The following TCERG1L variants were observed in gnomAD, a reference collection of about 807,000 sequenced individuals.
TCERG1L encodes transcription elongation regulator 1 like.
TCERG1L carries 37 observed loss-of-function variants against 56.3 expected under a neutral mutation model. The observed-to-expected ratio is 0.66, with a 90% CI of 0.51 to 0.87. The LOEUF (loss-of-function observed/expected upper bound fraction) is 0.87, where lower values mean the gene tolerates loss of function less well. TCERG1L is among the 40% of genes least tolerant of loss of function. TCERG1L has a pLI of 0.00. For synonymous variants in TCERG1L, 324 were observed against 326.3 expected (o/e 0.99, Z 0.08); for missense variants, 799 against 774.2 (o/e 1.03, Z -0.38).
At chr10:131,127,579 A>G (rs1316123461) in intron 8 of TCERG1L, among the ~76,000 whole-genome samples, 1 of 152,230 alleles carries the variant, frequency 6.6e-6, no homozygotes, top group Non-Finnish European at 1.5e-5. Flanking sequence ...AGCTCAGTAT[A>G]GCAGCTGCCT....
chr10:131,311,398 A>C lies in TCERG1L; in HGVS notation c.238T>G (p.Trp80Gly). The C allele has an allele frequency of 1.7e-6, 2 of 1,185,024 alleles. No homozygotes were observed. Among genetic ancestry groups the C allele is most frequent in the Non-Finnish European group, 2.1e-6 (2 of 959,670 alleles). The allele number at this position is 1,185,024 out of a possible 1,614,324, so 73.4% of individuals were successfully genotyped here. ...AAPLLPGLPG[W>G]PAPSEPVLPL... ...AGCACCGGCTCGCTCGGGGCCGGCC[A>C]GCCGGGGAGACCGGGGAGCAGCGGG... is the stretch of plus-strand genomic sequence containing the variant. The change falls in exon 1 of 12, where the codon TGG becomes GGG. Residue 80 changes from tryptophan to glycine, a missense_variant. Transcript: ENST00000368642. The surrounding 1 kb of genome is among the most constrained non-coding windows in gnomAD (Gnocchi z 4.0).
chr10:131,182,065 G>A (rs1298760868), intron 4 of TCERG1L, among the ~76,000 whole-genome samples: 1 of 152,130 alleles, frequency 6.6e-6, no homozygotes, highest in Non-Finnish European at 1.5e-5. Context: ...CACAGCATCT[G>A]TGTGTGTGCA....
At chr10:131,153,994 C>A (rs1845893568) in intron 6 of TCERG1L, among the ~76,000 whole-genome samples, 1 of 152,132 alleles carries the variant, frequency 6.6e-6, no homozygotes, top group African/African-American at 2.4e-5. Flanking sequence ...CCCATCCACT[C>A]GTTACGGTTG....
chr10:131,139,068 A>C (rs887710277), intron 7 of TCERG1L, among the ~76,000 whole-genome samples: 3 of 152,248 alleles, frequency 2.0e-5, no homozygotes, highest in Non-Finnish European at 4.4e-5. Context: ...AAGCAATGCC[A>C]ACTGAAGCAA....
intron 4 of TCERG1L, among the ~76,000 whole-genome samples, chr10:131,218,799 T>C (rs1399985638): frequency 6.6e-6 from 1 of 152,172 alleles, no homozygotes; most frequent in Admixed American, 6.5e-5. Flanking sequence ...AGGGGGATCC[T>C]TGCAGCTTGG....
intron 3 of TCERG1L, among the ~76,000 whole-genome samples, chr10:131,270,466 A>G (rs1589767806): frequency 6.6e-6 from 1 of 152,260 alleles, no homozygotes; most frequent in East Asian, 1.9e-4. Context: ...CAGCTCAGAG[A>G]TAAGCCAGAA....
At chr10:131,254,841 G>A (rs865865663) in intron 4 of TCERG1L, among the ~76,000 whole-genome samples, 2 of 152,352 alleles carry the variant, frequency 1.3e-5, no homozygotes, top group Middle Eastern at 6.8e-3. Flanking sequence ...AAGACCACAG[G>A]AGAAACAAGT....
intron 9 of TCERG1L, among the ~76,000 whole-genome samples, chr10:131,110,913 C>T (rs761236147): frequency 5.4e-5 from 7 of 130,054 alleles, no homozygotes; most frequent in African/African-American, 2.6e-5. Context: ...GGACAGGACA[C>T]GACTGGATTG....
chr10:131,178,310 C>G (rs745829870), intron 4 of TCERG1L, among the ~76,000 whole-genome samples: 2 of 152,146 alleles, frequency 1.3e-5, no homozygotes, highest in Non-Finnish European at 2.9e-5. Flanking sequence ...TAGCGCGGGG[C>G]CCTGGACGTA....
intron 9 of TCERG1L, among the ~76,000 whole-genome samples, chr10:131,105,808 T>G (rs1305687585): frequency 6.6e-6 from 1 of 152,084 alleles, no homozygotes; most frequent in Non-Finnish European, 1.5e-5. Context: ...AGCCCATGCT[T>G]GGGCTGGACT....
intron 4 of TCERG1L, among the ~76,000 whole-genome samples, chr10:131,206,642 C>G (rs191000896): frequency 6.6e-6 from 1 of 152,110 alleles, no homozygotes; most frequent in Non-Finnish European, 1.5e-5. Context: ...CCCAAAGGGA[C>G]GACTGTGATG....
intron 11 of TCERG1L, among the ~76,000 whole-genome samples, chr10:131,098,097 G>A (rs879738997): frequency 3.9e-5 from 6 of 152,236 alleles, no homozygotes; most frequent in Non-Finnish European, 8.8e-5. Context: ...ACTTTCCCAG[G>A]ACTGATGAGA....
rs887392000 is a variant in TCERG1L at position 131,104,212 on chromosome 10, C to T, written c.1485+53G>A. 23 of 1,268,304 alleles carry T rather than the reference C, an allele frequency of 1.8e-5. No homozygotes were observed. In the Admixed American group the frequency reaches 4.4e-4, roughly 24 times the overall value. 78.6% of individuals were successfully genotyped at this position (1,268,304 alleles called of 1,614,324 possible). On this transcript the variant is annotated intron_variant, in intron 10 of 11. Coordinates refer to ENST00000368642, the MANE Select transcript of TCERG1L (RefSeq NM_174937.4). The stretch of plus-strand genomic sequence containing the variant: ...AAAGCTCCCCAGATCCAGGATGCAA[C>T]AGTCGCTTTCATGCCATGTCTCTGC...
rs1309084703 is a variant in TCERG1L, at chr10:131,289,532, T to A, written c.670+18679A>T. 3.3e-5 allele frequency among the ~76,000 whole-genome samples: 2 copies of A among 59,980 alleles called. 1 individual carries two copies. Among genetic ancestry groups the A allele is most frequent in the Admixed American group, 3.9e-4 (2 of 5,074 alleles). 39.3% of individuals were successfully genotyped at this position (59,980 alleles called of 152,430 possible). ...AGGTGTGCACTGCCTCCATCTCCTA[T>A]CGGTGTGTATGTGTGCACCGCTGTG... On this transcript the variant is annotated intron_variant, in intron 3 of 11. Coordinates refer to ENST00000368642, the MANE Select transcript of TCERG1L (RefSeq NM_174937.4).
intron 11 of TCERG1L, among the ~76,000 whole-genome samples, chr10:131,097,804 C>T (rs1845265531): frequency 6.6e-6 from 1 of 152,104 alleles, no homozygotes; most frequent in African/African-American, 2.4e-5. Context: ...GTTTTGGCAA[C>T]CTAGTTAACT....
At chr10:131,274,277 G>T (rs781073242) in intron 3 of TCERG1L, among the ~76,000 whole-genome samples, 1 of 152,212 alleles carries the variant, frequency 6.6e-6, no homozygotes, top group African/African-American at 2.4e-5. Context: ...CGCAGCCTTT[G>T]GGTGGCGGAT....
intron 3 of TCERG1L, among the ~76,000 whole-genome samples, chr10:131,275,451 T>C (rs1029271639): frequency 4.6e-5 from 7 of 152,228 alleles, no homozygotes; most frequent in African/African-American, 1.7e-4. Flanking sequence ...ATTATTGTGA[T>C]TTCATGTAAT....
chr10:131,094,234 A>G lies in TCERG1L; in HGVS notation c.1605-916T>C, dbSNP rs1420287866. Among the ~76,000 whole-genome samples the G allele has an allele frequency of 2.0e-5, 3 of 152,348 alleles. No individual in the cohort carries two copies. In the East Asian group the frequency reaches 5.8e-4, roughly 29 times the overall value. The stretch of plus-strand genomic sequence containing the variant: ...GACCAAGGCCTGGAGCCGCTGGCCT[A>G]TGCAGATGCACTCGCTTGTCCAGCG... On this transcript the variant is annotated intron_variant, in intron 11 of 11. Transcript: ENST00000368642.
chr10:131,280,694 G>A (rs1227351992), intron 3 of TCERG1L, among the ~76,000 whole-genome samples: 1 of 151,516 alleles, frequency 6.6e-6, no homozygotes, highest in African/African-American at 2.4e-5. Context: ...ATCTGTGCCT[G>A]CCTAAGATGT....
Sources: allele counts gnomAD v4.1 joint callset (sites outside exome capture counted in the v4.1 genomes callset), GRCh38; gene constraint gnomAD v4.1.1; non-coding constraint Gnocchi (gnomAD v3.1); transcripts MANE v1.5; gene names NCBI Gene and HGNC (gene_info 2026-07-23, HGNC 2026-07-21).